MAN1C1: variants seen among roughly 807,000 people sequenced by gnomAD.
MAN1C1 encodes mannosidase alpha class 1C member 1.
Under a neutral mutation model 71.5 loss-of-function variants are expected in MAN1C1, and 49 were observed. That is an observed-to-expected ratio of 0.69 (90% confidence interval 0.54 to 0.87). MAN1C1 has a LOEUF of 0.87. Among genes scored for constraint, MAN1C1 ranks in the 40% least tolerant of loss-of-function variants. The pLI is 0.00. For missense variants in MAN1C1, 743 were observed against 835.0 expected, an observed-to-expected ratio of 0.89 and a Z score of 1.36; for synonymous variants, 352 against 343.7, an observed-to-expected ratio of 1.02 and a Z score of -0.27.
intron 1 of MAN1C1, among the ~76,000 whole-genome samples, chr1:25,623,955 C>T (rs1379053967): frequency 6.6e-6 from 1 of 152,160 alleles, no homozygotes; most frequent in East Asian, 1.9e-4. Flanking sequence ...TGTCATGAGT[C>T]AAGGATTGTT....
chr1:25,655,704 A>G (rs1196977978), intron 1 of MAN1C1, among the ~76,000 whole-genome samples: 1 of 152,036 alleles, frequency 6.6e-6, no homozygotes, highest in African/African-American at 2.4e-5. Flanking sequence ...ACTGACTTGC[A>G]AGTCTATTGG....
chr1:25,743,827 GC>G, intron 2 of MAN1C1, among the ~76,000 whole-genome samples: 1 of 152,344 alleles, frequency 6.6e-6, no homozygotes, highest in African/African-American at 2.4e-5. Context: ...CTCTCCCCTG[GC>G]CTTGAAGGAC....
At chr1:25,751,964 G>C (rs2047222131) in intron 4 of MAN1C1, among the ~76,000 whole-genome samples, 2 of 151,998 alleles carry the variant, frequency 1.3e-5, no homozygotes, top group South Asian at 2.1e-4. Flanking sequence ...CTGTTGGGTG[G>C]GTCTTTCCAT....
intron 1 of MAN1C1, among the ~76,000 whole-genome samples, chr1:25,659,753 A>G (rs894755299): frequency 6.6e-6 from 1 of 152,176 alleles, no homozygotes; most frequent in African/African-American, 2.4e-5. Flanking sequence ...ATTTTCAGAA[A>G]TGTTGTGTGC....
At chr1:25,665,030 G>A (rs1253098296) in intron 1 of MAN1C1, among the ~76,000 whole-genome samples, 3 of 152,226 alleles carry the variant, frequency 2.0e-5, no homozygotes, top group African/African-American at 7.2e-5. Context: ...GACGCTAGCA[G>A]GTGGTTAATT....
At position 25,765,004 on chromosome 1, in the gene MAN1C1, C is replaced by T. The variant is rs183772479; in HGVS notation, c.1141+1037C>T. Among the ~76,000 whole-genome samples, 332 of 152,130 alleles carry T rather than the reference C, an allele frequency of 2.2e-3. 2 individuals are homozygous for T. Among genetic ancestry groups the T allele is most frequent in the Middle Eastern group, 0.014 (4 of 294 alleles). ...CGGAGGTTGCAGTGAGCCAAGACCG[C>T]ACCACTGCACTTCAACCTGGGCGAC... On this transcript the variant is annotated intron_variant, in intron 7 of 11. Coordinates refer to ENST00000374332, the MANE Select transcript of MAN1C1 (RefSeq NM_020379.4).
At chr1:25,723,631 T>G (rs1266388147) in intron 2 of MAN1C1, among the ~76,000 whole-genome samples, 1 of 152,252 alleles carries the variant, frequency 6.6e-6, no homozygotes. Flanking sequence ...ATAGGGCTAG[T>G]GCATTCATTG....
intron 2 of MAN1C1, among the ~76,000 whole-genome samples, chr1:25,697,124 G>A (rs1172624257): frequency 6.6e-6 from 1 of 151,910 alleles, no homozygotes; most frequent in Non-Finnish European, 1.5e-5. Flanking sequence ...TTATTTTCAG[G>A]ATTTGGTTGT....
At chr1:25,661,237 T>G (rs1168320246) in intron 1 of MAN1C1, among the ~76,000 whole-genome samples, 1 of 152,246 alleles carries the variant, frequency 6.6e-6, no homozygotes, top group African/African-American at 2.4e-5. Context: ...CCTCTATGCC[T>G]TTGCTCCTGG....
Position 25,779,841 on chromosome 1 carries a change from C to T in MAN1C1, c.1478-1099C>T, listed in dbSNP as rs2047670555. ...CTAACCCCTGCCTCTAAAGTAAAAG[C>T]AACCTAGGGCCTCTCAGGGTTTTGA... On this transcript the variant is annotated intron_variant, in intron 9 of 11. Coordinates refer to ENST00000374332, the MANE Select transcript of MAN1C1 (RefSeq NM_020379.4). This position sits in a 1 kb window ranked among gnomAD's most constrained non-coding sequence, Gnocchi z 4.6. Among the ~76,000 whole-genome samples the T allele has an allele frequency of 6.6e-6, 1 of 152,184 alleles. No individual in the cohort carries two copies. Among genetic ancestry groups the T allele is most frequent in the Non-Finnish European group, 1.5e-5 (1 of 68,018 alleles).
intron 1 of MAN1C1, among the ~76,000 whole-genome samples, chr1:25,628,721 T>G (rs2045336442): frequency 6.6e-6 from 1 of 152,216 alleles, no homozygotes; most frequent in South Asian, 2.1e-4. Flanking sequence ...TAGTATAGAT[T>G]GTACTCAGTA....
chr1:25,635,621 G>C (rs760779469), intron 1 of MAN1C1, among the ~76,000 whole-genome samples: 27 of 151,730 alleles, frequency 1.8e-4, no homozygotes, highest in Non-Finnish European at 3.7e-4. Flanking sequence ...GGCTAATTTT[G>C]TATTTTTTGT....
At chr1:25,632,614 C>G (rs2045399140) in intron 1 of MAN1C1, among the ~76,000 whole-genome samples, 2 of 152,108 alleles carry the variant, frequency 1.3e-5, no homozygotes, top group South Asian at 2.1e-4. Context: ...ATCCTTCAGA[C>G]TTTTTGATGT....
At chr1:25,668,805 G>C (rs1451571821) in intron 1 of MAN1C1, among the ~76,000 whole-genome samples, 3 of 151,896 alleles carry the variant, frequency 2.0e-5, no homozygotes, top group African/African-American at 7.3e-5. Context: ...TGATCCACCC[G>C]CCTCGGCCTC....
Position 25,634,165 on chromosome 1 carries a change from G to A in MAN1C1, c.540+15828G>A, listed in dbSNP as rs1572108136. Among the ~76,000 whole-genome samples, 1 of 152,082 alleles carries A rather than the reference G, an allele frequency of 6.6e-6. No individual in the cohort carries two copies. Among genetic ancestry groups the A allele is most frequent in the South Asian group, 2.1e-4 (1 of 4,824 alleles). ...GATCTGTTATGTATACAATCATGTTGTCTATGTCAAGACAGTCTTACTTCT... is the reference window on the plus strand; with the variant it reads ...GATCTGTTATGTATACAATCATGTTATCTATGTCAAGACAGTCTTACTTCT... On this transcript the variant is annotated intron_variant, in intron 1 of 11. Transcript: ENST00000374332. This position sits in a 1 kb window ranked among gnomAD's most constrained non-coding sequence, Gnocchi z 4.6.
In MAN1C1 at chr1:25,778,405, C is replaced by G; in HGVS notation, c.1477+81C>G. On this transcript the variant is annotated intron_variant, in intron 9 of 11. Transcript: ENST00000374332. This position sits in a 1 kb window ranked among gnomAD's most constrained non-coding sequence, Gnocchi z 5.5. ...AACTGGAAAGACCGGCAGCAGTGAG[C>G]GAAGGGAGCACATGGCCTTAGGGAA... 5 of 1,393,728 alleles carry G rather than the reference C, an allele frequency of 3.6e-6. No individual in the cohort carries two copies. The South Asian group carries it at 6.9e-5, about 19-fold the overall frequency. The allele number at this position is 1,393,728 out of a possible 1,614,324, so 86.3% of individuals were successfully genotyped here.
chr1:25,618,524 A>C (rs1226188063), intron 1 of MAN1C1, among the ~76,000 whole-genome samples, 187 bp downstream of exon 1: 1 of 151,442 alleles, frequency 6.6e-6, no homozygotes, highest in Non-Finnish European at 1.5e-5. Flanking sequence ...CTCCCTACAC[A>C]GTTTCCCACC....
At chr1:25,679,455 G>A (rs749665049) in intron 1 of MAN1C1, among the ~76,000 whole-genome samples, 4 of 151,820 alleles carry the variant, frequency 2.6e-5, no homozygotes, top group African/African-American at 4.8e-5. Flanking sequence ...ACTGACAATG[G>A]CCACATTCTG....
rs767684742 is a variant in MAN1C1 at position 25,781,062 on chromosome 1, C to T, written c.1600C>T (p.Arg534Ter). The T allele has an allele frequency of 6.2e-7, 1 of 1,614,100 alleles. No homozygotes were observed. Among genetic ancestry groups the T allele is most frequent in the Non-Finnish European group, 8.5e-7 (1 of 1,180,022 alleles). ...EVVESYMYLWRQTHNPIYREW... is the reference protein window; with the variant it reads ...EVVESYMYLW ...GGTGGAGAGCTACATGTACCTGTGGCGACAGACCCACAACCCCATCTACAG... is the reference window on the plus strand; with the variant it reads ...GGTGGAGAGCTACATGTACCTGTGGTGACAGACCCACAACCCCATCTACAG... The change falls in exon 10 of 12, where the codon CGA becomes TGA. Residue 534 changes from arginine (R) to a stop codon, truncating the protein, a stop_gained. Coordinates refer to ENST00000374332, the MANE Select transcript of MAN1C1 (RefSeq NM_020379.4). LOFTEE classifies it high-confidence loss of function.
Sources: allele counts gnomAD v4.1 joint callset (sites outside exome capture counted in the v4.1 genomes callset), GRCh38; gene constraint gnomAD v4.1.1; non-coding constraint Gnocchi (gnomAD v3.1); transcripts MANE v1.5; gene names NCBI Gene and HGNC (gene_info 2026-07-23, HGNC 2026-07-21).